Variants in IFT43 observed in about 807,000 individuals in gnomAD.
IFT43 encodes the protein intraflagellar transport 43, also known as intraflagellar transport protein 43 homolog.
Under a neutral mutation model 32.3 loss-of-function variants are expected in IFT43, and 33 were observed. The observed-to-expected ratio is 1.02, with a 90% confidence interval of 0.77 to 1.37. IFT43 has a LOEUF of 1.37. Among genes scored for constraint, IFT43 ranks in the 40% most tolerant of loss-of-function variants. IFT43 has a pLI of 0.00. For missense variants in IFT43, 274 were observed against 265.9 expected (o/e 1.03, Z -0.21); for synonymous variants, 93 against 98.2 (o/e 0.95, Z 0.31).
intron 3 of IFT43, among the ~76,000 whole-genome samples, chr14:76,033,412 G>A (rs1466839023): frequency 6.6e-6 from 1 of 152,286 alleles, no homozygotes; most frequent in East Asian, 1.9e-4. Flanking sequence ...GAAGTAGGGC[G>A]GATAGTTTTC....
intron 3 of IFT43, among the ~76,000 whole-genome samples, chr14:76,057,157 T>TA (rs1332227757): frequency 6.6e-6 from 1 of 152,254 alleles, no homozygotes; most frequent in African/African-American, 2.4e-5. Context: ...GTACAGTTGA[T>TA]AGAGTCTAAA....
chr14:76,052,469 A>G (rs1049621952), intron 3 of IFT43, among the ~76,000 whole-genome samples: 5 of 152,000 alleles, frequency 3.3e-5, no homozygotes, highest in Non-Finnish European at 7.4e-5. Context: ...GGTCATAACT[A>G]CCTGCTAGTC....
intron 3 of IFT43, among the ~76,000 whole-genome samples, chr14:76,031,859 C>G (rs1379285296): frequency 6.6e-6 from 1 of 152,174 alleles, no homozygotes; most frequent in African/African-American, 2.4e-5. Flanking sequence ...TCTCTCTTCT[C>G]TGTCAACACT....
chr14:76,019,325 T>C (rs1240517385), intron 2 of IFT43, among the ~76,000 whole-genome samples: 1 of 152,106 alleles, frequency 6.6e-6, no homozygotes. Flanking sequence ...AAGGACTTTA[T>C]TTCTCCTTCA....
intron 3 of IFT43, among the ~76,000 whole-genome samples, chr14:76,029,857 TTTTA>T (rs2036474134): frequency 7.9e-6 from 1 of 127,366 alleles, no homozygotes; most frequent in African/African-American, 3.7e-5. Flanking sequence ...TTTATTTTTA[TTTTA>T]TTTTATTTTA....
intron 2 of IFT43, among the ~76,000 whole-genome samples, chr14:76,015,317 A>G (rs894366638): frequency 6.6e-6 from 1 of 152,148 alleles, no homozygotes; most frequent in South Asian, 2.1e-4. Context: ...GCCCAAGCCT[A>G]CTTTGCAGAG....
chr14:76,028,154 T>C (rs1270164756), intron 3 of IFT43, among the ~76,000 whole-genome samples: 1 of 152,204 alleles, frequency 6.6e-6, no homozygotes, highest in East Asian at 1.9e-4. Context: ...TTACAAAGTT[T>C]TATCACTTGG....
intron 3 of IFT43, among the ~76,000 whole-genome samples, chr14:76,039,762 G>A (rs540467426): frequency 1.3e-5 from 2 of 152,234 alleles, no homozygotes; most frequent in Middle Eastern, 6.8e-3. Context: ...CAGGCACCCA[G>A]TTTCCTCTCC....
intron 5 of IFT43, among the ~76,000 whole-genome samples, chr14:76,075,681 T>C (rs2037400616): frequency 6.6e-6 from 1 of 152,210 alleles, no homozygotes; most frequent in African/African-American, 2.4e-5. Context: ...CAGCAGCTCA[T>C]GAATATGAAA....
intron 5 of IFT43, chr14:76,076,508 G>A (rs980081029): frequency 1.1e-5 from 18 of 1,569,966 alleles, no homozygotes; most frequent in Middle Eastern, 1.7e-4. Flanking sequence ...GCTGGAGTTA[G>A]ATTTATACTC....
chr14:76,045,229 T>C (rs184618372), intron 3 of IFT43, among the ~76,000 whole-genome samples: 10 of 152,352 alleles, frequency 6.6e-5, no homozygotes, highest in African/African-American at 2.4e-4. Flanking sequence ...GGAGAGGGTC[T>C]GCTCATCTTT....
At chr14:76,049,239 C>G (rs1038847728) in intron 3 of IFT43, among the ~76,000 whole-genome samples, 5 of 152,172 alleles carry the variant, frequency 3.3e-5, no homozygotes, top group African/African-American at 1.2e-4. Flanking sequence ...TCGATTTTCC[C>G]AAGATTCGTG....
At chr14:76,020,970 A>G (rs997003617) in intron 2 of IFT43, among the ~76,000 whole-genome samples, 9 of 152,114 alleles carry the variant, frequency 5.9e-5, no homozygotes, top group African/African-American at 9.7e-5. Context: ...GGAGACATAC[A>G]TGGACACTGG....
intron 3 of IFT43, among the ~76,000 whole-genome samples, chr14:76,041,906 A>G (rs557211707): frequency 1.2e-4 from 19 of 152,304 alleles, no homozygotes; most frequent in African/African-American, 4.1e-4. Context: ...CAGATGCACT[A>G]TTCCCCTGTT....
chr14:76,047,971 C>T (rs982391704), intron 3 of IFT43, among the ~76,000 whole-genome samples: 19 of 151,942 alleles, frequency 1.3e-4, no homozygotes, highest in African/African-American at 3.9e-4. Context: ...TGGCCCCTTC[C>T]GTTTGGAGAT....
At chr14:76,055,209 G>T (rs563396580) in intron 3 of IFT43, among the ~76,000 whole-genome samples, 77 of 151,998 alleles carry the variant, frequency 5.1e-4, no homozygotes, top group African/African-American at 1.8e-3. Flanking sequence ...AGCCAGGCAC[G>T]GTGGCACGCA....
Position 75,999,227 on chromosome 14 carries a change from TTATATATATATATATATATATA to T in IFT43, c.147+10274_147+10295del, listed in dbSNP as rs1162371057. ...ATATTCATTTATATATAAATTCATTTTATATATATATATATATATATATATATATATATATATATATATATGT... is the reference window on the plus strand; with the variant it reads ...ATATTCATTTATATATAAATTCATTTTATATATATATATATATATATATGT... On this transcript the variant is annotated intron_variant, in intron 2 of 8. Transcript: ENST00000314067. Among the ~76,000 whole-genome samples, 70 of 96,098 alleles carry T rather than the reference TTATATATATATATATATATATA, an allele frequency of 7.3e-4. 4 individuals carry two copies. The highest frequency in any genetic ancestry group is 2.8e-3 in the Admixed American group (25 of 8,982). The allele number at this position is 96,098 out of a possible 152,430, so 63.0% of individuals were successfully genotyped here. A position where few individuals can be genotyped will look rare whatever the true frequency, so the allele number is the denominator to read the frequency against.
chr14:76,070,541 T>C (rs530753870), intron 5 of IFT43, among the ~76,000 whole-genome samples: 39 of 152,316 alleles, frequency 2.6e-4, no homozygotes, highest in Admixed American at 2.2e-3. Flanking sequence ...ACCTGGTTCC[T>C]TGGCCTCCCT....
At chr14:75,996,910 T>C (rs1037700980) in intron 2 of IFT43, among the ~76,000 whole-genome samples, 1 of 152,244 alleles carries the variant, frequency 6.6e-6, no homozygotes, top group Non-Finnish European at 1.5e-5. Flanking sequence ...TGCTTTGAAC[T>C]TGGAATACAA....
Sources: gnomAD v4.1 joint callset for allele counts (sites outside exome capture counted in the v4.1 genomes callset) on GRCh38, gnomAD v4.1.1 for gene constraint, MANE v1.5 for transcripts, NCBI Gene and HGNC (gene_info 2026-07-23, HGNC 2026-07-21) for gene names.